RPRD2: variants seen among roughly 807,000 people sequenced by gnomAD.
RPRD2 encodes the protein regulation of nuclear pre-mRNA domain containing 2, also known as regulation of nuclear pre-mRNA domain-containing protein 2.
Under a neutral mutation model 104.4 loss-of-function variants are expected in RPRD2, and 12 were observed. That is an observed-to-expected ratio of 0.11 (90% CI 0.07 to 0.19). The LOEUF is 0.19. RPRD2 is among the 10% of genes least tolerant of loss of function. The pLI, the probability that RPRD2 is intolerant of heterozygous loss-of-function variation, is 1.00. For synonymous variants in RPRD2, 714 were observed against 684.9 expected (o/e 1.04, Z -0.66); for missense variants, 1,543 against 1,790.1 (o/e 0.86, Z 2.49).
intron 1 of RPRD2, among the ~76,000 whole-genome samples, chr1:150,394,490 A>G (rs149492414): frequency 1.3e-3 from 201 of 152,356 alleles, no homozygotes; most frequent in Non-Finnish European, 2.1e-3. Context: ...TGTTGTATAT[A>G]TAGAGAGATA....
intron 1 of RPRD2, among the ~76,000 whole-genome samples, chr1:150,372,073 A>G (rs1371815762): frequency 6.6e-6 from 1 of 152,244 alleles, no homozygotes; most frequent in Non-Finnish European, 1.5e-5. Context: ...AGGTTCATTT[A>G]GATTGATGAC....
intron 1 of RPRD2, among the ~76,000 whole-genome samples, chr1:150,392,446 A>G (rs1662158127): frequency 6.6e-6 from 1 of 152,224 alleles, no homozygotes; most frequent in Non-Finnish European, 1.5e-5. Context: ...CGAAGGCTGC[A>G]GTGAGCTGAG....
intron 1 of RPRD2, among the ~76,000 whole-genome samples, chr1:150,400,654 T>C (rs587675221): frequency 4.1e-4 from 63 of 152,260 alleles, no homozygotes; most frequent in Admixed American, 1.7e-3. Flanking sequence ...TAACAGGCCA[T>C]TGGGGTTGGG....
intron 1 of RPRD2, among the ~76,000 whole-genome samples, chr1:150,409,647 CTT>C (rs10684353): frequency 6.1e-5 from 7 of 114,594 alleles, no homozygotes; most frequent in South Asian, 2.8e-4. Flanking sequence ...TGTTGCAATT[CTT>C]TTTTTTTTTT....
intron 1 of RPRD2, among the ~76,000 whole-genome samples, chr1:150,414,823 T>A (rs1553888274): frequency 6.6e-6 from 1 of 152,162 alleles, no homozygotes; most frequent in Non-Finnish European, 1.5e-5. Flanking sequence ...GCTCCTATAA[T>A]TATGGAGTTA....
chr1:150,417,852 G>A (rs940888945), intron 2 of RPRD2, 127 bp downstream of exon 2: 2 of 577,670 alleles, frequency 3.5e-6, no homozygotes, highest in Admixed American at 4.1e-5. Context: ...CTAAATGGTT[G>A]ATTATTACTT....
intron 1 of RPRD2, among the ~76,000 whole-genome samples, chr1:150,365,838 G>T (rs1307260188): frequency 6.6e-6 from 1 of 152,044 alleles, no homozygotes; most frequent in Non-Finnish European, 1.5e-5. Context: ...TGATCCACCT[G>T]CCTCGGCCTC....
chr1:150,454,666 G>A (rs1255144281), intron 7 of RPRD2, among the ~76,000 whole-genome samples: 2 of 152,024 alleles, frequency 1.3e-5, no homozygotes, highest in Non-Finnish European at 2.9e-5. Context: ...TAGCCAACAT[G>A]GCGAAATTTT....
At chr1:150,429,501 C>T (rs1030470798) in intron 2 of RPRD2, among the ~76,000 whole-genome samples, 2 of 151,954 alleles carry the variant, frequency 1.3e-5, no homozygotes, top group South Asian at 2.1e-4. Flanking sequence ...ACTACAGGCA[C>T]GCACAACCAT....
At chr1:150,462,247 A>G (rs1667983629) in intron 9 of RPRD2, among the ~76,000 whole-genome samples, 1 of 151,600 alleles carries the variant, frequency 6.6e-6, no homozygotes, top group Non-Finnish European at 1.5e-5. Flanking sequence ...ACGCCACTGC[A>G]CTTCAGCCTG....
At chr1:150,367,291 A>G (rs1553877307) in intron 1 of RPRD2, among the ~76,000 whole-genome samples, 2 of 152,336 alleles carry the variant, frequency 1.3e-5, no homozygotes, top group East Asian at 1.9e-4. Context: ...GGCGCAATGA[A>G]AACAGTTTAT....
intron 2 of RPRD2, among the ~76,000 whole-genome samples, chr1:150,433,101 TATCTC>T (rs1288216080): frequency 2.0e-5 from 3 of 152,204 alleles, no homozygotes; most frequent in Admixed American, 6.6e-5. Flanking sequence ...TATATCAACA[TATCTC>T]ATGTACCCCC....
At chr1:150,437,293 C>T (rs587762369) in intron 2 of RPRD2, among the ~76,000 whole-genome samples, 3 of 151,962 alleles carry the variant, frequency 2.0e-5, no homozygotes, top group Non-Finnish European at 2.9e-5. Flanking sequence ...GTCAAGAGAT[C>T]GAGACCATCC....
chr1:150,422,830 G>T lies in RPRD2; in HGVS notation c.335+5105G>T, dbSNP rs587654736. ...TTTAAGGTGTTTATTGATTTCACTT[G>T]ATTAAAAATTGGTATGGGGTGGACT... On this transcript the variant is annotated intron_variant, in intron 2 of 10. Transcript: ENST00000369068. 5.3e-5 allele frequency among the ~76,000 whole-genome samples: 8 copies of T among 152,248 alleles called. 1 individual carries two copies. The South Asian group carries it at 1.7e-3, about 32-fold the overall frequency.
intron 7 of RPRD2, among the ~76,000 whole-genome samples, 182 bp from the exon 8 acceptor site, chr1:150,457,106 T>C (rs1553897726): frequency 6.6e-6 from 1 of 151,792 alleles, no homozygotes; most frequent in African/African-American, 2.4e-5. Flanking sequence ...TTCCTGTGGA[T>C]CCAGCTACTT....
intron 8 of RPRD2, among the ~76,000 whole-genome samples, chr1:150,459,273 G>T (rs185657382): frequency 2.0e-5 from 3 of 152,276 alleles, no homozygotes; most frequent in Admixed American, 2.0e-4. Flanking sequence ...GTGATTGAGA[G>T]TTAAAACATT....
chr1:150,464,633 T>C lies in RPRD2; in HGVS notation c.1518T>C (p.Pro506=). 6.2e-7 allele frequency: 1 copy of C among 1,612,496 alleles called. No homozygotes were observed. Among genetic ancestry groups the C allele is most frequent in the Non-Finnish European group, 8.5e-7 (1 of 1,179,294 alleles). The change falls in exon 10 of 11, where the codon CCT becomes CCC. Residue 506 remains proline (P), a synonymous_variant. Coordinates refer to ENST00000369068, the MANE Select transcript of RPRD2 (RefSeq NM_015203.5). ...PAPATTTSHN[P]LANILSKVEI... is the part of the protein sequence containing the mutation. ...CTGCCACGACAACATCTCACAACCC[T>C]CTGGCAAATATCCTCTCCAAGGTGG...
intron 6 of RPRD2, among the ~76,000 whole-genome samples, chr1:150,444,725 T>A (rs868923690): frequency 1.1e-4 from 16 of 152,330 alleles, no homozygotes; most frequent in Middle Eastern, 6.8e-3. Flanking sequence ...TACTAATAAT[T>A]TATTATAATG....
At chr1:150,384,356 G>A in intron 1 of RPRD2, among the ~76,000 whole-genome samples, 1 of 151,808 alleles carries the variant, frequency 6.6e-6, no homozygotes, top group East Asian at 1.9e-4. Flanking sequence ...ATAAGCAAAA[G>A]TGTGAAAGAA....
Sources: gnomAD v4.1 joint callset for allele counts (sites outside exome capture counted in the v4.1 genomes callset) on GRCh38, gnomAD v4.1.1 for gene constraint, MANE v1.5 for transcripts, NCBI Gene and HGNC (gene_info 2026-07-23, HGNC 2026-07-21) for gene names.